The following FREM3 variants were observed in gnomAD, a reference collection of about 807,000 sequenced individuals.
The protein encoded by FREM3 is FRAS1-related extracellular matrix protein 3.
Under a neutral mutation model 129.1 loss-of-function variants are expected in FREM3, and 105 were observed. The observed-to-expected ratio is 0.81, with a 90% CI of 0.69 to 0.96. The LOEUF is 0.96. Ranked by LOEUF, FREM3 falls within the 40% of genes least tolerant of loss-of-function variation. FREM3 has a pLI of 0.00. For missense variants in FREM3, 2,593 were observed against 2,666.3 expected (o/e 0.97, Z 0.61); for synonymous variants, 1,014 against 1,044.9 (o/e 0.97, Z 0.57).
intron 2 of FREM3, among the ~76,000 whole-genome samples, chr4:143,660,969 T>A (rs1739704993): frequency 6.6e-6 from 1 of 152,204 alleles, no homozygotes; most frequent in Non-Finnish European, 1.5e-5. Context: ...GCTTATCAGC[T>A]TAAGGAGATT....
intron 6 of FREM3, among the ~76,000 whole-genome samples, chr4:143,609,385 T>C (rs539620992): frequency 9.2e-5 from 14 of 152,288 alleles, no homozygotes; most frequent in African/African-American, 2.9e-4. Flanking sequence ...TGTTTACAAA[T>C]TTCAACTTTT....
chr4:143,663,151 G>A (rs550312559), intron 2 of FREM3, among the ~76,000 whole-genome samples: 26 of 152,158 alleles, frequency 1.7e-4, no homozygotes, highest in East Asian at 9.6e-4. Context: ...TATTTTGCTC[G>A]TTAGTTGATG....
Position 143,624,353 on chromosome 4 carries a change from GA to G in FREM3, c.5423-16del. On this transcript the variant is annotated splice_polypyrimidine_tract_variant and intron_variant, in intron 3 of 7. Coordinates refer to ENST00000329798, the MANE Select transcript of FREM3 (RefSeq NM_001168235.2). The stretch of plus-strand genomic sequence containing the variant: ...GGTACCAATGCCTGAATAAAAATCA[GA>G]AAACTATAAATATAAAGCCAAGTGA... 1.4e-6 allele frequency: 2 copies of G among 1,472,534 alleles called. No individual in the cohort carries two copies. The highest frequency in any genetic ancestry group is 1.8e-6 in the Non-Finnish European group (2 of 1,089,468). 91.2% of individuals were successfully genotyped at this position (1,472,534 alleles called of 1,614,324 possible). A position where few individuals can be genotyped will look rare whatever the true frequency, so the allele number is the denominator to read the frequency against.
intron 2 of FREM3, among the ~76,000 whole-genome samples, chr4:143,646,452 A>C (rs1324951246): frequency 6.6e-6 from 1 of 152,062 alleles, no homozygotes; most frequent in African/African-American, 2.4e-5. Context: ...AATAATCCCC[A>C]CATGTCAAGG....
intron 2 of FREM3, among the ~76,000 whole-genome samples, chr4:143,666,385 T>G (rs1739860501): frequency 2.0e-5 from 3 of 152,080 alleles, no homozygotes; most frequent in Admixed American, 2.0e-4. Flanking sequence ...TACACTTAGG[T>G]ATATATCCAA....
intron 2 of FREM3, among the ~76,000 whole-genome samples, chr4:143,644,847 G>A (rs1336597226): frequency 6.6e-6 from 1 of 152,178 alleles, no homozygotes; most frequent in Non-Finnish European, 1.5e-5. Context: ...TTATATTAGG[G>A]TAGGTGGCCT....
intron 2 of FREM3, among the ~76,000 whole-genome samples, chr4:143,664,469 G>A (rs1452333073): frequency 6.6e-6 from 1 of 152,114 alleles, no homozygotes; most frequent in African/African-American, 2.4e-5. Flanking sequence ...GGAGTACCCT[G>A]CCGTGTGAGG....
chr4:143,666,876 G>C (rs1487737493), intron 2 of FREM3, among the ~76,000 whole-genome samples: 1 of 151,962 alleles, frequency 6.6e-6, no homozygotes, highest in Non-Finnish European at 1.5e-5. Flanking sequence ...CAAAATTTAT[G>C]TTATATATAT....
At chr4:143,628,837 A>C (rs1053936494) in intron 2 of FREM3, among the ~76,000 whole-genome samples, 6 of 152,268 alleles carry the variant, frequency 3.9e-5, no homozygotes, top group Admixed American at 2.6e-4. Context: ...GTTGGAGTCC[A>C]TGTGACTTAC....
chr4:143,699,511 A>G lies in FREM3; in HGVS notation c.1165T>C (p.Tyr389His), dbSNP rs745715101. 143 of 1,537,104 alleles carry G rather than the reference A, an allele frequency of 9.3e-5. No individual in the cohort carries two copies. Among genetic ancestry groups the G allele is most frequent in the Non-Finnish European group, 1.2e-4 (136 of 1,146,906 alleles). Residue 389 changes from tyrosine (Y) to histidine (H), a missense_variant, in exon 1 of 8, where the codon TAT (tyrosine) becomes CAT (histidine). Physicochemically the swap from Tyr to His is moderately conservative, Grantham distance 83. Around this residue, in one of 2 missense-constraint regions of FREM3, gnomAD observed 2,276 missense variants for 2,267.2 expected, o/e 1.00. Transcript: ENST00000329798. This position sits in a 1 kb window ranked among gnomAD's most constrained non-coding sequence, Gnocchi z 4.2. ...TGGGAGTTCTCTGCAGGGGGCTGAT[A>G]GGCAATCTTCAGCTCCCTCAGCTCC... is the stretch of plus-strand genomic sequence containing the variant. The part of the protein sequence containing the change: ...QQELRELKIA[Y>H]QPPAENSHGE...
rs537620293 is a variant in FREM3, at chr4:143,680,721, A to G, written c.5275+12392T>C. On this transcript the variant is annotated intron_variant, in intron 2 of 7. Coordinates refer to ENST00000329798, the MANE Select transcript of FREM3 (RefSeq NM_001168235.2). ...AAAATTTTGGGCCATGGATCTCATA[A>G]TTTGACTACCTAGAGACATTTCTAA... Among the ~76,000 whole-genome samples the G allele has an allele frequency of 1.4e-4, 22 of 152,206 alleles. No individual in the cohort carries two copies. The South Asian group carries it at 4.2e-3, about 29-fold the overall frequency.
rs1374036434 is a variant in FREM3, at chr4:143,683,926, AG to A, written c.5275+9186del. Among the ~76,000 whole-genome samples, 3 of 152,068 alleles carry A rather than the reference AG, an allele frequency of 2.0e-5. No individual in the cohort carries two copies. In the East Asian group the frequency reaches 5.8e-4, roughly 29 times the overall value. On this transcript the variant is annotated intron_variant, in intron 2 of 7. Transcript: ENST00000329798. ...CCTGACAACCTGTATGACTAGAGGCAGCCATAATCTTCCTAGGTGCACAACT... is the reference window on the plus strand; with the variant it reads ...CCTGACAACCTGTATGACTAGAGGCACCATAATCTTCCTAGGTGCACAACT...
At chr4:143,589,313 C>A (rs1339368824) in intron 6 of FREM3, among the ~76,000 whole-genome samples, 1 of 152,162 alleles carries the variant, frequency 6.6e-6, no homozygotes, top group Non-Finnish European at 1.5e-5. Context: ...GAAGTCCTTG[C>A]CCATGCCTAT....
At chr4:143,614,026 G>T (rs943466663) in intron 5 of FREM3, among the ~76,000 whole-genome samples, 2 of 151,998 alleles carry the variant, frequency 1.3e-5, no homozygotes, top group African/African-American at 4.8e-5. Flanking sequence ...GGTTGACATA[G>T]ATATGACATT....
At chr4:143,676,276 A>G (rs941016663) in intron 2 of FREM3, among the ~76,000 whole-genome samples, 184 of 152,348 alleles carry the variant, frequency 1.2e-3, no homozygotes, top group Admixed American at 2.6e-3. Context: ...TATAAACAGA[A>G]TCAAAGACAA....
intron 6 of FREM3, among the ~76,000 whole-genome samples, chr4:143,605,312 C>G (rs532220253): frequency 6.6e-6 from 1 of 152,050 alleles, no homozygotes. Flanking sequence ...CAAGGGTATA[C>G]TATTTCTTCA....
chr4:143,674,401 TG>T (rs1190037296), intron 2 of FREM3, among the ~76,000 whole-genome samples: 6 of 151,962 alleles, frequency 3.9e-5, no homozygotes, highest in Middle Eastern at 3.4e-3. Context: ...GCGCTAAACA[TG>T]GAAGGGAACA....
At chr4:143,608,215 G>A (rs927158266) in intron 6 of FREM3, among the ~76,000 whole-genome samples, 1 of 152,050 alleles carries the variant, frequency 6.6e-6, no homozygotes. Flanking sequence ...ATATCTTTGG[G>A]GTCCATTATT....
chr4:143,608,746 TTA>T (rs1738705848), intron 6 of FREM3, among the ~76,000 whole-genome samples: 1 of 152,148 alleles, frequency 6.6e-6, no homozygotes, highest in African/African-American at 2.4e-5. Context: ...ATCACTCCAG[TTA>T]TATGTCTTCT....
Sources: gnomAD v4.1 joint callset for allele counts (sites outside exome capture counted in the v4.1 genomes callset) on GRCh38, gnomAD v4.1.1 for gene constraint, gnomAD v4.1.1 regional missense constraint, Gnocchi (gnomAD v3.1) non-coding constraint, MANE v1.5 for transcripts, NCBI Gene and HGNC (gene_info 2026-07-23, HGNC 2026-07-21) for gene names.